DENND1B: variants seen among roughly 807,000 people sequenced by gnomAD.
DENND1B encodes DENN domain containing 1B, also known as DENN domain-containing protein 1B.
Under a neutral mutation model 90.1 loss-of-function variants are expected in DENND1B, and 59 were observed. The observed-to-expected ratio is 0.65, with a 90% CI of 0.53 to 0.81. The LOEUF (loss-of-function observed/expected upper bound fraction) is 0.81, where lower values mean the gene tolerates loss of function less well. Ranked by LOEUF, DENND1B falls within the 40% of genes least tolerant of loss-of-function variation. DENND1B has a pLI of 0.00. For missense variants in DENND1B, 862 were observed against 912.6 expected (o/e 0.94, Z 0.71); for synonymous variants, 337 against 324.6 (o/e 1.04, Z -0.41).
intron 10 of DENND1B, among the ~76,000 whole-genome samples, chr1:197,626,570 A>C (rs1678752403): frequency 6.6e-6 from 1 of 152,198 alleles, no homozygotes; most frequent in Non-Finnish European, 1.5e-5. Flanking sequence ...CTCAAGAGAA[A>C]GCAGGAAAGA....
chr1:197,707,735 C>T (rs940215419), intron 3 of DENND1B, among the ~76,000 whole-genome samples: 1 of 147,178 alleles, frequency 6.8e-6, no homozygotes, highest in Non-Finnish European at 1.5e-5. Flanking sequence ...CCAAGATGGC[C>T]GAATAGGAAC....
At position 197,510,636 on chromosome 1, in the gene DENND1B, C is replaced by A. The variant is rs768304710; in HGVS notation, c.2152G>T (p.Gly718Cys). ...AAAGTCGATGAATGCCGCCCAAGACCGGGTATAAGCAGATCATCTGAAATC... is the reference window on the plus strand; with the variant it reads ...AAAGTCGATGAATGCCGCCCAAGACAGGGTATAAGCAGATCATCTGAAATC... ...SQISDDLLIP[G>C]LGRHSSTFVP... is the part of the protein sequence containing the mutation. The change falls in exon 23 of 23, where the codon GGT (glycine) becomes TGT (cysteine). Residue 718 changes from glycine to cysteine, a missense_variant. Transcript: ENST00000620048. The A allele has an allele frequency of 1.9e-6, 3 of 1,612,760 alleles. No individual in the cohort carries two copies. Among genetic ancestry groups the A allele is most frequent in the Non-Finnish European group, 2.5e-6 (3 of 1,179,222 alleles).
Position 197,775,443 on chromosome 1 carries a change from G to A in DENND1B, c.-288C>T, listed in dbSNP as rs1571715762. The A allele has an allele frequency of 3.5e-6, 1 of 287,976 alleles. No individual in the cohort carries two copies. Among genetic ancestry groups the A allele is most frequent in the African/African-American group, 2.2e-5 (1 of 45,186 alleles). 17.8% of individuals were successfully genotyped at this position (287,976 alleles called of 1,614,324 possible). On this transcript the variant is annotated 5_prime_UTR_variant, in exon 1 of 23. Coordinates refer to ENST00000620048, the MANE Select transcript of DENND1B (RefSeq NM_001195215.2). ...AAAGCTGAGGCCTCTCAGTTCCTGC[G>A]ACCGGGGCCGCCCGCTGCGGCTCCT...
intron 10 of DENND1B, among the ~76,000 whole-genome samples, chr1:197,629,998 G>C (rs1679181456): frequency 6.6e-6 from 1 of 151,960 alleles, no homozygotes; most frequent in Non-Finnish European, 1.5e-5. Context: ...TTAAAACAAT[G>C]AGATACCACT....
At chr1:197,751,967 G>T (rs1653604097) in intron 2 of DENND1B, among the ~76,000 whole-genome samples, 1 of 105,258 alleles carries the variant, frequency 9.5e-6, no homozygotes, top group Admixed American at 1.0e-4. Flanking sequence ...GGGGGGAGGA[G>T]GAGGAGAAGG....
intron 10 of DENND1B, among the ~76,000 whole-genome samples, chr1:197,641,338 C>T (rs558103482): frequency 1.3e-5 from 2 of 151,982 alleles, no homozygotes; most frequent in Non-Finnish European, 2.9e-5. Context: ...GAATGTTTCA[C>T]TTCAATAGTA....
intron 10 of DENND1B, among the ~76,000 whole-genome samples, chr1:197,638,365 A>G (rs866077267): frequency 1.3e-5 from 2 of 152,238 alleles, no homozygotes; most frequent in Admixed American, 6.5e-5. Flanking sequence ...ACATTCAGAC[A>G]TCTGCTTTTA....
chr1:197,620,063 T>C (rs1041184004), intron 10 of DENND1B, among the ~76,000 whole-genome samples: 2 of 151,426 alleles, frequency 1.3e-5, no homozygotes, highest in Non-Finnish European at 3.0e-5. Context: ...AGTAGAATTA[T>C]AAGGAATCTG....
intron 20 of DENND1B, among the ~76,000 whole-genome samples, chr1:197,539,655 A>G (rs1670183096): frequency 6.6e-6 from 1 of 152,186 alleles, no homozygotes; most frequent in South Asian, 2.1e-4. Context: ...AAGGAATCCT[A>G]TGATTTCCAG....
Position 197,505,884 on chromosome 1 carries a change from A to C in DENND1B, c.*4576T>G, listed in dbSNP as rs986789213. The C allele has an allele frequency of 4.0e-5, 6 of 150,016 alleles. No individual in the cohort carries two copies. The East Asian group carries it at 1.2e-3, about 30-fold the overall frequency. 9.3% of individuals were successfully genotyped at this position (150,016 alleles called of 1,614,324 possible). ...TTAAATGTACACATGTAGAATCAGC[A>C]ATTTGTACCGTATATATTTCTTTTA... On this transcript the variant is annotated 3_prime_UTR_variant, in exon 23 of 23. Coordinates refer to ENST00000620048, the MANE Select transcript of DENND1B (RefSeq NM_001195215.2).
At chr1:197,625,986 T>C (rs1347407950) in intron 10 of DENND1B, among the ~76,000 whole-genome samples, 3 of 152,056 alleles carry the variant, frequency 2.0e-5, no homozygotes, top group African/African-American at 7.2e-5. Context: ...CCCAAATACA[T>C]ATGCACCCAA....
chr1:197,575,857 T>A (rs1160611446), intron 15 of DENND1B, among the ~76,000 whole-genome samples: 1 of 152,172 alleles, frequency 6.6e-6, no homozygotes, highest in South Asian at 2.1e-4. Flanking sequence ...TTGCATGTTC[T>A]CACTCATAGG....
intron 6 of DENND1B, among the ~76,000 whole-genome samples, chr1:197,655,618 G>A (rs966520130): frequency 4.0e-5 from 6 of 151,064 alleles, no homozygotes; most frequent in East Asian, 3.9e-4. Flanking sequence ...TGCAAGCTCC[G>A]CCTCCCGGGT....
intron 18 of DENND1B, among the ~76,000 whole-genome samples, chr1:197,544,244 A>T (rs1219581627): frequency 6.6e-6 from 1 of 152,202 alleles, no homozygotes; most frequent in Non-Finnish European, 1.5e-5. Flanking sequence ...TTCAGGGGAA[A>T]TAATGTCTGA....
At chr1:197,731,893 A>C (rs1248909204) in intron 2 of DENND1B, among the ~76,000 whole-genome samples, 2 of 152,196 alleles carry the variant, frequency 1.3e-5, no homozygotes, top group Non-Finnish European at 2.9e-5. Context: ...TGATAATAGC[A>C]GTACCCACCT....
chr1:197,629,336 A>G (rs1572124488), intron 10 of DENND1B, among the ~76,000 whole-genome samples: 1 of 152,148 alleles, frequency 6.6e-6, no homozygotes, highest in African/African-American at 2.4e-5. Context: ...ACCATGGAAT[A>G]CTATGCAGCC....
intron 2 of DENND1B, among the ~76,000 whole-genome samples, chr1:197,738,640 A>G (rs1662935324): frequency 6.6e-6 from 1 of 152,230 alleles, no homozygotes; most frequent in African/African-American, 2.4e-5. Flanking sequence ...CTTAGTTACC[A>G]TAGCTTTTCT....
chr1:197,625,864 T>A (rs941994178), intron 10 of DENND1B, among the ~76,000 whole-genome samples: 9 of 151,542 alleles, frequency 5.9e-5, no homozygotes, highest in Non-Finnish European at 1.3e-4. Context: ...AAGGCAGAGG[T>A]TGCAATCCTA....
chr1:197,746,632 T>C, intron 2 of DENND1B: 1 of 624,996 alleles, frequency 1.6e-6, no homozygotes, highest in Middle Eastern at 4.4e-4. Flanking sequence ...CTCCCAAATT[T>C]TATGCTTATT....
Sources: gnomAD v4.1 joint callset for allele counts (sites outside exome capture counted in the v4.1 genomes callset) on GRCh38, gnomAD v4.1.1 for gene constraint, MANE v1.5 for transcripts, NCBI Gene and HGNC (gene_info 2026-07-23, HGNC 2026-07-21) for gene names.